LMBR1: variants seen among roughly 807,000 people sequenced by gnomAD.
LMBR1 encodes the protein limb region 1 protein homolog.
LMBR1 carries 52 observed loss-of-function variants against 73.9 expected under a neutral mutation model. That is an observed-to-expected ratio of 0.70 (90% CI 0.56 to 0.89). The LOEUF is 0.89. LMBR1 is among the 40% of genes least tolerant of loss of function. LMBR1 has a pLI of 0.00. For synonymous variants in LMBR1, 215 were observed against 209.4 expected (o/e 1.03, Z -0.23); for missense variants, 539 against 579.8 (o/e 0.93, Z 0.72).
At chr7:156,696,636 T>A (rs1249608176) in intron 15 of LMBR1, among the ~76,000 whole-genome samples, 2 of 152,130 alleles carry the variant, frequency 1.3e-5, no homozygotes, top group Non-Finnish European at 2.9e-5. Flanking sequence ...AACCATCAGA[T>A]CTTGTGAGAC....
intron 3 of LMBR1, 68 bp from the exon 4 acceptor site, chr7:156,826,812 G>T (rs1835785134): frequency 7.2e-7 from 1 of 1,394,132 alleles, no homozygotes; most frequent in South Asian, 1.5e-5. Flanking sequence ...TCATCAAAAA[G>T]AATGCAAACT....
At chr7:156,704,269 T>C (rs1231385230) in intron 15 of LMBR1, among the ~76,000 whole-genome samples, 1 of 152,112 alleles carries the variant, frequency 6.6e-6, no homozygotes, top group Non-Finnish European at 1.5e-5. Context: ...CAGTCCCCAG[T>C]ACAACTTCAC....
intron 9 of LMBR1, among the ~76,000 whole-genome samples, chr7:156,754,652 A>G (rs751511905): frequency 6.6e-6 from 1 of 152,218 alleles, no homozygotes; most frequent in Non-Finnish European, 1.5e-5. Flanking sequence ...TATAAATTAA[A>G]ATAGAAAGTA....
intron 1 of LMBR1, among the ~76,000 whole-genome samples, chr7:156,856,233 G>A (rs2134136992): frequency 6.6e-6 from 1 of 152,220 alleles, no homozygotes; most frequent in South Asian, 2.1e-4. Flanking sequence ...TAGATAGATA[G>A]ATAGATAGAT....
intron 15 of LMBR1, among the ~76,000 whole-genome samples, chr7:156,711,284 C>A (rs1383598107): frequency 6.6e-6 from 1 of 152,048 alleles, no homozygotes; most frequent in Non-Finnish European, 1.5e-5. Context: ...GCACTCCAGC[C>A]TGGGCGACAG....
chr7:156,703,869 G>A (rs934910463), intron 15 of LMBR1, among the ~76,000 whole-genome samples: 2 of 152,122 alleles, frequency 1.3e-5, no homozygotes, highest in Admixed American at 1.3e-4. Flanking sequence ...CTTCTCCCAT[G>A]GAAAAGAGGC....
chr7:156,713,116 C>T (rs184939153), intron 15 of LMBR1, among the ~76,000 whole-genome samples: 2 of 151,990 alleles, frequency 1.3e-5, no homozygotes, highest in Non-Finnish European at 2.9e-5. Flanking sequence ...CCTAAATATA[C>T]GTTAAATGAA....
At chr7:156,783,178 C>T (rs577823374) in intron 5 of LMBR1, among the ~76,000 whole-genome samples, 2 of 152,102 alleles carry the variant, frequency 1.3e-5, no homozygotes, top group East Asian at 3.9e-4. Flanking sequence ...TCTTCAACAT[C>T]TTTCTTTTTT....
At chr7:156,812,437 A>G (rs911512138) in intron 4 of LMBR1, among the ~76,000 whole-genome samples, 1 of 152,162 alleles carries the variant, frequency 6.6e-6, no homozygotes, top group Admixed American at 6.5e-5. Context: ...GAAAAACTTG[A>G]CCCACCTTTG....
intron 4 of LMBR1, among the ~76,000 whole-genome samples, chr7:156,804,187 T>C (rs1159964825): frequency 6.6e-6 from 1 of 152,182 alleles, no homozygotes; most frequent in Non-Finnish European, 1.5e-5. Context: ...TCTAGAACAT[T>C]ATACAAATGG....
chr7:156,843,749 T>C (rs900196980), intron 1 of LMBR1, among the ~76,000 whole-genome samples: 1 of 149,224 alleles, frequency 6.7e-6, no homozygotes, highest in African/African-American at 2.5e-5. Flanking sequence ...GGCACGAGAA[T>C]AGCTTGAACC....
At chr7:156,762,849 G>C (rs1223542354) in intron 7 of LMBR1, among the ~76,000 whole-genome samples, 1 of 97,820 alleles carries the variant, frequency 1.0e-5, no homozygotes, top group African/African-American at 4.7e-5. Context: ...GAGTGTGAGT[G>C]TGTGTGTGTG....
At chr7:156,778,340 T>C (rs536204765) in intron 5 of LMBR1, among the ~76,000 whole-genome samples, 109 of 152,362 alleles carry the variant, frequency 7.2e-4, no homozygotes, top group African/African-American at 2.3e-3. Flanking sequence ...GCTTGTCCTA[T>C]GAAATATTAA....
intron 1 of LMBR1, among the ~76,000 whole-genome samples, chr7:156,838,615 C>T (rs1838093584): frequency 6.6e-6 from 1 of 152,218 alleles, no homozygotes. Flanking sequence ...ATCCACTCAT[C>T]TGCTGGCAGA....
intron 15 of LMBR1, among the ~76,000 whole-genome samples, chr7:156,695,214 C>G (rs1808033831): frequency 6.6e-6 from 1 of 152,140 alleles, no homozygotes; most frequent in African/African-American, 2.4e-5. Flanking sequence ...GAGGCTTAGG[C>G]AGGAGGATCA....
chr7:156,759,807 T>C (rs1468505753), intron 8 of LMBR1, among the ~76,000 whole-genome samples: 2 of 152,150 alleles, frequency 1.3e-5, no homozygotes, highest in Non-Finnish European at 2.9e-5. Flanking sequence ...AGAGCACACC[T>C]GCACAGGGGA....
intron 4 of LMBR1, among the ~76,000 whole-genome samples, chr7:156,805,793 A>T (rs561094386): frequency 6.6e-6 from 1 of 152,284 alleles, no homozygotes; most frequent in South Asian, 2.1e-4. Context: ...CTGAAACCCT[A>T]ATCCTCAGTG....
chr7:156,723,789 T>C (rs565603894), intron 15 of LMBR1, among the ~76,000 whole-genome samples: 32 of 152,190 alleles, frequency 2.1e-4, no homozygotes, highest in African/African-American at 7.7e-4. Flanking sequence ...AATAGAAAAA[T>C]TAGTTTAATG....
chr7:156,762,328 G>A lies in LMBR1; in HGVS notation c.620-130C>T. 4.8e-6 allele frequency: 3 copies of A among 626,402 alleles called. No individual in the cohort carries two copies. The South Asian group carries it at 6.6e-5, about 14-fold the overall frequency. The allele number at this position is 626,402 out of a possible 1,614,324, so 38.8% of individuals were successfully genotyped here. A position where few individuals can be genotyped will look rare whatever the true frequency, so the allele number is the denominator to read the frequency against. ...TTTAAGAACATTCTTCTCTCCAACTGAGATTGTCAGTGTTTTGTCAGAGAA... is the reference window on the plus strand; with the variant it reads ...TTTAAGAACATTCTTCTCTCCAACTAAGATTGTCAGTGTTTTGTCAGAGAA... On this transcript the variant is annotated intron_variant, in intron 7 of 16. Transcript: ENST00000353442.
Sources: allele counts gnomAD v4.1 joint callset (sites outside exome capture counted in the v4.1 genomes callset), GRCh38; gene constraint gnomAD v4.1.1; transcripts MANE v1.5; gene names NCBI Gene and HGNC (gene_info 2026-07-23, HGNC 2026-07-21).